KDM4B: variants seen among roughly 807,000 people sequenced by gnomAD.
KDM4B encodes lysine-specific demethylase 4B.
Under a neutral mutation model 125.2 loss-of-function variants are expected in KDM4B, and 32 were observed. That is an observed-to-expected ratio of 0.26 (90% CI 0.19 to 0.34). KDM4B has a LOEUF of 0.34. KDM4B is among the 10% of genes least tolerant of loss of function. The pLI is 1.00. For synonymous variants in KDM4B, 721 were observed against 677.9 expected (o/e 1.06, Z -0.99); for missense variants, 1,190 against 1,577.7 (o/e 0.75, Z 4.16).
intron 10 of KDM4B, among the ~76,000 whole-genome samples, chr19:5,118,847 G>A (rs1184016816): frequency 1.3e-5 from 2 of 152,356 alleles, no homozygotes; most frequent in African/African-American, 4.8e-5. Flanking sequence ...GATTGTGGGT[G>A]TCCAGGTTGG....
intron 9 of KDM4B, among the ~76,000 whole-genome samples, chr19:5,094,028 G>A (rs753887375): frequency 9.8e-4 from 149 of 152,324 alleles, no homozygotes; most frequent in Middle Eastern, 3.4e-3. Flanking sequence ...CCCCCTCAGG[G>A]CGCCAGGGAG....
intron 3 of KDM4B, among the ~76,000 whole-genome samples, chr19:5,037,266 G>A (rs1172516380): frequency 6.6e-6 from 1 of 152,178 alleles, no homozygotes; most frequent in Non-Finnish European, 1.5e-5. Flanking sequence ...GGAGAGGGGG[G>A]ACAGTGTCTG....
intron 1 of KDM4B, among the ~76,000 whole-genome samples, chr19:4,996,567 G>A (rs908028730): frequency 6.6e-6 from 1 of 151,394 alleles, no homozygotes; most frequent in Non-Finnish European, 1.5e-5. Context: ...GTAGTGACGC[G>A]GTCTCGCCAT....
chr19:5,012,799 C>T (rs938317717), intron 1 of KDM4B, among the ~76,000 whole-genome samples: 7 of 152,210 alleles, frequency 4.6e-5, no homozygotes, highest in Non-Finnish European at 1.0e-4. Context: ...GCTGCCCTGA[C>T]GGCGTAGCTG....
chr19:4,988,976 C>G (rs2034940838), intron 1 of KDM4B, among the ~76,000 whole-genome samples: 1 of 152,218 alleles, frequency 6.6e-6, no homozygotes, highest in African/African-American at 2.4e-5. Flanking sequence ...CCTTAGTCAC[C>G]TCATTAGCAC....
At chr19:5,024,503 A>G (rs553366144) in intron 2 of KDM4B, among the ~76,000 whole-genome samples, 3 of 152,068 alleles carry the variant, frequency 2.0e-5, no homozygotes, top group African/African-American at 7.2e-5. Flanking sequence ...TTCCTCCCCC[A>G]GGTTGCAGAG....
chr19:4,990,466 A>G (rs550840836), intron 1 of KDM4B, among the ~76,000 whole-genome samples: 28 of 152,330 alleles, frequency 1.8e-4, no homozygotes, highest in Admixed American at 5.9e-4. Flanking sequence ...GGCAGGATGC[A>G]TCTGTTACCT....
At chr19:5,094,879 T>C (rs2038787614) in intron 9 of KDM4B, among the ~76,000 whole-genome samples, 1 of 152,164 alleles carries the variant, frequency 6.6e-6, no homozygotes, top group African/African-American at 2.4e-5. Flanking sequence ...GGTGGGCTGG[T>C]GGCCGTGTCC....
rs755532449 is a variant in KDM4B at position 5,144,152 on chromosome 19, T to C, written c.2736T>C (p.Ala912=). ...TCLKHKSGGH[A]VQLLRAVSLG... is the part of the protein sequence containing the mutation. ...TCAAGCACAAGTCGGGGGGTCACGC[T>C]GTGAGTGCCTGCCCGCCTCCTTGCC... The change falls in exon 19 of 23, where the codon GCT becomes GCC. Residue 912 remains alanine, a splice_region_variant and synonymous_variant. Transcript: ENST00000159111. The C allele has an allele frequency of 1.9e-6, 3 of 1,595,186 alleles. No individual in the cohort carries two copies. The Admixed American group carries it at 5.0e-5, about 27-fold the overall frequency.
chr19:5,088,660 C>T (rs1191585009), intron 9 of KDM4B, among the ~76,000 whole-genome samples: 18 of 101,654 alleles, frequency 1.8e-4, no homozygotes, highest in African/African-American at 5.7e-4. Flanking sequence ...GCCAGGCCCC[C>T]CCCCTCCCCC....
intron 1 of KDM4B, among the ~76,000 whole-genome samples, chr19:4,985,650 G>A (rs1009843950): frequency 1.3e-5 from 2 of 152,260 alleles, no homozygotes; most frequent in African/African-American, 2.4e-5. Context: ...GGTGAGAGGC[G>A]GGTGTGAGCA....
intron 1 of KDM4B, among the ~76,000 whole-genome samples, chr19:4,987,216 T>C (rs530573635): frequency 7.2e-5 from 11 of 152,112 alleles, no homozygotes; most frequent in Non-Finnish European, 1.6e-4. Flanking sequence ...TCCTCGGCCT[T>C]GTAAGAGTTA....
intron 1 of KDM4B, among the ~76,000 whole-genome samples, chr19:5,009,210 C>T (rs10408550): frequency 0.042 from 6,414 of 152,128 alleles, 457 homozygotes; most frequent in African/African-American, 0.15. Context: ...CCACCGCTCC[C>T]GGCCTATTCC....
Position 5,151,372 on chromosome 19 carries a change from CG to C in KDM4B, c.3157del (p.Glu1053ArgfsTer144). ...GGGGCACCGCAGGAGCCCGCCTTCT[CG>C]GGGGAGGAGGCCAAGGCCGCCAAGC... ...STGAPQEPAFSGEEAKAAKRP... is the reference protein window; with the variant it reads ...STGAPQEPAFXGEEAKAAKRP... On this transcript the variant is annotated frameshift_variant, in exon 23 of 23. Coordinates refer to ENST00000159111, the MANE Select transcript of KDM4B (RefSeq NM_015015.3). LOFTEE classifies it high-confidence loss of function. 6.3e-7 allele frequency: 1 copy of C among 1,586,838 alleles called. No individual in the cohort carries two copies. The highest frequency in any genetic ancestry group is 8.6e-7 in the Non-Finnish European group (1 of 1,168,558).
At chr19:5,120,981 G>A (rs952362000) in intron 11 of KDM4B, among the ~76,000 whole-genome samples, 5 of 152,162 alleles carry the variant, frequency 3.3e-5, no homozygotes, top group African/African-American at 9.7e-5. Flanking sequence ...TCCAGGACGC[G>A]CTGGTGCCCA....
rs1247529047 is a variant in KDM4B, at chr19:5,138,018, T to C, written c.2498T>C (p.Ile833Thr). ...AVPEARFLNVIERHPVDISAI... is the reference protein window; with the variant it reads ...AVPEARFLNVTERHPVDISAI... ...CCCGAGGCGCGCTTCCTGAACGTGA[T>C]TGAGCGCCACCCTGTGGACATCAGC... Residue 833 changes from isoleucine (I) to threonine (T), a missense_variant, in exon 18 of 23, where the codon ATT (isoleucine) becomes ACT (threonine). Transcript: ENST00000159111. 6.2e-7 allele frequency: 1 copy of C among 1,612,712 alleles called. No individual in the cohort carries two copies. Among genetic ancestry groups the C allele is most frequent in the Non-Finnish European group, 8.5e-7 (1 of 1,179,890 alleles).
Position 4,991,206 on chromosome 19 carries a change from C to T in KDM4B, c.-109+21976C>T, listed in dbSNP as rs189215056. On this transcript the variant is annotated intron_variant, in intron 1 of 22. Coordinates refer to ENST00000159111, the MANE Select transcript of KDM4B (RefSeq NM_015015.3). ...AGGTAGACAACATGGAATAACGAGC[C>T]CCCCAGGCCCCTCACCCAGCCCCAA... is the stretch of plus-strand genomic sequence containing the variant. Among the ~76,000 whole-genome samples the T allele has an allele frequency of 3.0e-3, 454 of 152,188 alleles. 1 individual carries two copies. Among genetic ancestry groups the T allele is most frequent in the Middle Eastern group, 0.017 (5 of 294 alleles).
At chr19:4,986,400 A>G (rs1031975631) in intron 1 of KDM4B, among the ~76,000 whole-genome samples, 2 of 151,854 alleles carry the variant, frequency 1.3e-5, no homozygotes, top group African/African-American at 2.4e-5. Flanking sequence ...GGCCGTGGGG[A>G]CTCTTGGTCC....
chr19:5,125,268 C>T (rs970698831), intron 11 of KDM4B, among the ~76,000 whole-genome samples: 4 of 152,016 alleles, frequency 2.6e-5, no homozygotes, highest in African/African-American at 7.3e-5. Flanking sequence ...TCCCCAGCCC[C>T]GGCGTTACCT....
Sources: allele counts gnomAD v4.1 joint callset (sites outside exome capture counted in the v4.1 genomes callset), GRCh38; gene constraint gnomAD v4.1.1; transcripts MANE v1.5; gene names NCBI Gene and HGNC (gene_info 2026-07-23, HGNC 2026-07-21).